Variants in DRD3 observed in about 807,000 individuals in gnomAD.
DRD3 encodes dopamine receptor D3.
In DRD3, 19 loss-of-function variants were observed where a neutral mutation model predicts 36.3. The ratio of observed to expected loss-of-function variants is 0.52; its 90% CI spans 0.36 to 0.77. The LOEUF is 0.77. Among genes scored for constraint, DRD3 ranks in the 30% least tolerant of loss-of-function variants. The probability of loss-of-function intolerance (pLI) is 0.00; values close to 1 mark genes in which losing one functional copy is unlikely to be tolerated. For missense variants in DRD3, 465 were observed against 505.3 expected (o/e 0.92, Z 0.77); for synonymous variants, 195 against 203.7 (o/e 0.96, Z 0.36).
At chr3:114,171,345 C>T (rs569652254) in intron 2 of DRD3, among the ~76,000 whole-genome samples, 2 of 152,274 alleles carry the variant, frequency 1.3e-5, no homozygotes, top group African/African-American at 4.8e-5. Flanking sequence ...ACACCCTCAC[C>T]CTCATATACA....
chr3:114,147,702 G>T (rs112086988), intron 3 of DRD3, 145 bp from the exon 4 acceptor site: 2 of 953,842 alleles, frequency 2.1e-6, no homozygotes, highest in East Asian at 2.7e-5. Flanking sequence ...ACTGTTCACT[G>T]CAGTTCAACT....
chr3:114,161,908 A>T (rs1424422732), intron 2 of DRD3, among the ~76,000 whole-genome samples: 1 of 152,212 alleles, frequency 6.6e-6, no homozygotes, highest in East Asian at 1.9e-4. Context: ...AATTGGGTAA[A>T]AAAACACTTT....
chr3:114,144,375 C>G (rs1415886399), intron 4 of DRD3, among the ~76,000 whole-genome samples: 1 of 152,228 alleles, frequency 6.6e-6, no homozygotes, highest in African/African-American at 2.4e-5. Flanking sequence ...GCCCTCTCCC[C>G]CTTGATTTTC....
chr3:114,134,483 G>A (rs745668500), intron 5 of DRD3, among the ~76,000 whole-genome samples: 5 of 152,038 alleles, frequency 3.3e-5, no homozygotes, highest in Non-Finnish European at 7.4e-5. Flanking sequence ...GAAGTGGCAT[G>A]ATCTCGGCTC....
chr3:114,196,142 A>G (rs1393566373), intron 1 of DRD3, among the ~76,000 whole-genome samples: 1 of 152,116 alleles, frequency 6.6e-6, no homozygotes, highest in Non-Finnish European at 1.5e-5. Context: ...TGGCCTAGTA[A>G]TTTCCTATTC....
intron 3 of DRD3, among the ~76,000 whole-genome samples, chr3:114,148,753 C>G (rs1000326666): frequency 3.9e-5 from 6 of 152,158 alleles, no homozygotes; most frequent in Non-Finnish European, 7.4e-5. Context: ...CAGTCTGTCG[C>G]CCAGGCTGGA....
chr3:114,176,008 A>T (rs1051778367), intron 1 of DRD3: 1 of 152,192 alleles, frequency 6.6e-6, no homozygotes, highest in African/African-American at 2.4e-5. Context: ...TCTTAGAGTG[A>T]GTGCATAACC....
intron 4 of DRD3, among the ~76,000 whole-genome samples, chr3:114,144,842 G>T (rs528104150): frequency 1.4e-4 from 21 of 152,076 alleles, no homozygotes; most frequent in Non-Finnish European, 2.5e-4. Context: ...AAGTGAGAGC[G>T]CACATACTAA....
intron 6 of DRD3, among the ~76,000 whole-genome samples, chr3:114,129,379 A>G (rs1263953262): frequency 1.3e-5 from 2 of 152,118 alleles, no homozygotes; most frequent in Non-Finnish European, 2.9e-5. Context: ...ACCCAACCCT[A>G]TGAAATAGGT....
At chr3:114,132,182 T>C (rs903255100) in intron 5 of DRD3, among the ~76,000 whole-genome samples, 1 of 152,092 alleles carries the variant, frequency 6.6e-6, no homozygotes, top group African/African-American at 2.4e-5. Context: ...ATAGACTGTA[T>C]AAAGAAAATG....
chr3:114,195,469 T>A (rs2078031773), intron 1 of DRD3, among the ~76,000 whole-genome samples: 1 of 152,128 alleles, frequency 6.6e-6, no homozygotes, highest in Non-Finnish European at 1.5e-5. Context: ...CATAGTAAAA[T>A]GTATAAAATT....
Position 114,142,410 on chromosome 3 carries a change from T to G in DRD3, c.527-2714A>C, listed in dbSNP as rs112189426. 5.9e-3 allele frequency among the ~76,000 whole-genome samples: 906 copies of G among 152,304 alleles called. 6 individuals carry two copies. The highest frequency in any genetic ancestry group is 0.021 in the African/African-American group (856 of 41,568). ...TCCCTCCACCTAACTTTCTACCTTT[T>G]CCTACCCACTCTGGGTTCTGGGAGG... On this transcript the variant is annotated intron_variant, in intron 4 of 6. Transcript: ENST00000383673.
chr3:114,188,350 T>A (rs1254234575), intron 1 of DRD3, among the ~76,000 whole-genome samples: 2 of 151,918 alleles, frequency 1.3e-5, no homozygotes, highest in Non-Finnish European at 2.9e-5. Context: ...TGGCTGGGAC[T>A]ACGGGCGTGT....
chr3:114,195,023 C>A (rs984268132), intron 1 of DRD3, among the ~76,000 whole-genome samples: 1 of 152,164 alleles, frequency 6.6e-6, no homozygotes, highest in Non-Finnish European at 1.5e-5. Flanking sequence ...TCAATCAGCT[C>A]TAATCTACTC....
chr3:114,179,335 G>T, upstream of DRD3, among the ~76,000 whole-genome samples: 1 of 152,110 alleles, frequency 6.6e-6, no homozygotes, highest in East Asian at 1.9e-4. Flanking sequence ...TCTGGGAAAA[G>T]AAGGTTAAAG....
intron 1 of DRD3, among the ~76,000 whole-genome samples, chr3:114,175,598 C>A (rs1052729407): frequency 6.6e-6 from 1 of 152,198 alleles, no homozygotes; most frequent in Non-Finnish European, 1.5e-5. Flanking sequence ...CCTGAACAAT[C>A]ACGGTTTAAC....
intron 1 of DRD3, among the ~76,000 whole-genome samples, chr3:114,177,895 C>A (rs925908852): frequency 1.3e-5 from 2 of 152,136 alleles, no homozygotes; most frequent in Non-Finnish European, 2.9e-5. Flanking sequence ...TATCAGTAAG[C>A]AAAGGCTTCA....
At chr3:114,131,746 GC>G (rs1292891537) in intron 5 of DRD3, among the ~76,000 whole-genome samples, 2 of 152,148 alleles carry the variant, frequency 1.3e-5, no homozygotes, top group African/African-American at 4.8e-5. Flanking sequence ...TAAAAAGTGG[GC>G]AAAGGATATG....
chr3:114,131,167 TC>T lies in DRD3; in HGVS notation c.956del (p.Gly319GlufsTer29). On this transcript the variant is annotated frameshift_variant, in exon 6 of 7. Coordinates refer to ENST00000383673, the MANE Select transcript of DRD3 (RefSeq NM_000796.6). LOFTEE classifies it high-confidence loss of function. ...SLKLGPLQPR[G>X]VPLREKKATQ... ...TTGCCTTCTTCTCCCGAAGTGGCACTCCCCGAGGTTGCAGGGGCCCCAGCTT... is the reference window on the plus strand; with the variant it reads ...TTGCCTTCTTCTCCCGAAGTGGCACTCCCGAGGTTGCAGGGGCCCCAGCTT... 1 of 1,614,178 alleles carries T rather than the reference TC, an allele frequency of 6.2e-7. No homozygotes were observed. The highest frequency in any genetic ancestry group is 1.3e-5 in the African/African-American group (1 of 75,050).
Sources: gnomAD v4.1 joint callset for allele counts (sites outside exome capture counted in the v4.1 genomes callset) on GRCh38, gnomAD v4.1.1 for gene constraint, MANE v1.5 for transcripts, NCBI Gene and HGNC (gene_info 2026-07-23, HGNC 2026-07-21) for gene names.